Variants in CADPS2 observed in about 807,000 individuals in gnomAD.
The protein encoded by CADPS2 is calcium-dependent secretion activator 2.
In CADPS2, 93 loss-of-function variants were observed where a neutral mutation model predicts 172.5. That is an observed-to-expected ratio of 0.54 (90% CI 0.46 to 0.64). CADPS2 has a LOEUF of 0.64. Among genes scored for constraint, CADPS2 ranks in the 30% least tolerant of loss-of-function variants. The pLI, the probability that CADPS2 is intolerant of heterozygous loss-of-function variation, is 0.00. For missense variants in CADPS2, 1,420 were observed against 1,565.9 expected, an observed-to-expected ratio of 0.91 and a Z score of 1.57; for synonymous variants, 546 against 555.2, an observed-to-expected ratio of 0.98 and a Z score of 0.23.
intron 1 of CADPS2, among the ~76,000 whole-genome samples, chr7:122,795,027 C>G (rs1391747398): frequency 6.6e-6 from 1 of 151,834 alleles, no homozygotes; most frequent in Non-Finnish European, 1.5e-5. Flanking sequence ...ACAAAGATCT[C>G]AAGTTAATAA....
At chr7:122,479,797 GATCA>G (rs1269138875) in intron 12 of CADPS2, among the ~76,000 whole-genome samples, 6 of 152,040 alleles carry the variant, frequency 3.9e-5, no homozygotes, top group African/African-American at 1.4e-4. Flanking sequence ...TAATATATTA[GATCA>G]ATCATGAAAA....
At chr7:122,779,675 T>C (rs1589153588) in intron 1 of CADPS2, among the ~76,000 whole-genome samples, 1 of 152,126 alleles carries the variant, frequency 6.6e-6, no homozygotes, top group Non-Finnish European at 1.5e-5. Context: ...TAATAGTACT[T>C]CAACATCTTC....
chr7:122,586,905 TA>T (rs1045861865), intron 6 of CADPS2, among the ~76,000 whole-genome samples: 4 of 151,994 alleles, frequency 2.6e-5, no homozygotes, highest in African/African-American at 4.8e-5. Context: ...TGAGTGCTTT[TA>T]AAAATTATTT....
chr7:122,747,282 T>C (rs1425531847), intron 1 of CADPS2, among the ~76,000 whole-genome samples: 5 of 151,990 alleles, frequency 3.3e-5, no homozygotes, highest in Admixed American at 6.6e-5. Flanking sequence ...ACATGTGCTA[T>C]GGAAAAAAGG....
At chr7:122,407,359 G>A (rs961835735) in intron 20 of CADPS2, among the ~76,000 whole-genome samples, 181 bp downstream of exon 20, 1 of 152,174 alleles carries the variant, frequency 6.6e-6, no homozygotes, top group African/African-American at 2.4e-5. Flanking sequence ...ACTGGAGTGT[G>A]GGAGTCTCCC....
chr7:122,782,996 A>G (rs2139440433), intron 1 of CADPS2, among the ~76,000 whole-genome samples: 1 of 152,230 alleles, frequency 6.6e-6, no homozygotes, highest in Middle Eastern at 3.4e-3. Flanking sequence ...CACTAATGAC[A>G]AAACAATAAA....
intron 8 of CADPS2, among the ~76,000 whole-genome samples, chr7:122,518,401 AT>A (rs1321350580): frequency 6.6e-5 from 10 of 152,154 alleles, no homozygotes; most frequent in African/African-American, 2.4e-4. Context: ...AATGGCATTA[AT>A]TTAACAGATC....
intron 1 of CADPS2, among the ~76,000 whole-genome samples, chr7:122,741,771 A>T (rs2092488929): frequency 6.6e-6 from 1 of 152,208 alleles, no homozygotes; most frequent in African/African-American, 2.4e-5. Context: ...TGGAACAAGT[A>T]TAAAAATTGA....
At chr7:122,405,605 G>A (rs898521152) in intron 20 of CADPS2, among the ~76,000 whole-genome samples, 1 of 152,010 alleles carries the variant, frequency 6.6e-6, no homozygotes, top group Admixed American at 6.5e-5. Flanking sequence ...CACTGGAAGT[G>A]CCACTGGGAG....
chr7:122,534,533 A>G (rs1273493828), intron 8 of CADPS2, among the ~76,000 whole-genome samples: 1 of 152,102 alleles, frequency 6.6e-6, no homozygotes, highest in Non-Finnish European at 1.5e-5. Flanking sequence ...TTACAAACTG[A>G]TACAATTCTG....
Position 122,471,359 on chromosome 7 carries a change from T to A in CADPS2, c.2186+16A>T, listed in dbSNP as rs143770923. The stretch of plus-strand genomic sequence containing the variant: ...CAACCCCATACATTTCACTTTGTAT[T>A]TGCAAGTAAAAATACCTGTTGCCGT... On this transcript the variant is annotated intron_variant, in intron 14 of 29. Coordinates refer to ENST00000449022, the MANE Select transcript of CADPS2 (RefSeq NM_017954.11). 1.9e-6 allele frequency: 3 copies of A among 1,598,750 alleles called. No homozygotes were observed. The highest frequency in any genetic ancestry group is 2.6e-6 in the Non-Finnish European group (3 of 1,171,786).
intron 9 of CADPS2, among the ~76,000 whole-genome samples, chr7:122,492,516 G>A (rs571657018): frequency 6.6e-6 from 1 of 152,150 alleles, no homozygotes; most frequent in Admixed American, 6.5e-5. Flanking sequence ...TGGGTCAAGA[G>A]CTCATGTATG....
At chr7:122,581,583 ATTAC>A (rs1312644658) in intron 6 of CADPS2, among the ~76,000 whole-genome samples, 6 of 152,134 alleles carry the variant, frequency 3.9e-5, no homozygotes, top group African/African-American at 1.4e-4. Context: ...ATTGAAATCT[ATTAC>A]TTTATTAATT....
chr7:122,774,265 G>GAT (rs1001149776), intron 1 of CADPS2, among the ~76,000 whole-genome samples: 11 of 120,244 alleles, frequency 9.1e-5, no homozygotes, highest in Non-Finnish European at 1.5e-4. Flanking sequence ...GACATAGATA[G>GAT]ATATACACAC....
At chr7:122,413,893 A>T (rs1465948710) in intron 19 of CADPS2, among the ~76,000 whole-genome samples, 175 bp downstream of exon 19, 1 of 152,210 alleles carries the variant, frequency 6.6e-6, no homozygotes, top group African/African-American at 2.4e-5. Context: ...AATAATATAC[A>T]TACACAAAAC....
intron 17 of CADPS2, among the ~76,000 whole-genome samples, chr7:122,432,786 TCAAGAGACTA>T (rs905338505): frequency 3.3e-5 from 5 of 151,962 alleles, no homozygotes; most frequent in Admixed American, 1.3e-4. Flanking sequence ...ATTGGAATGC[TCAAGAGACTA>T]CAAGAGACTA....
At chr7:122,710,083 A>C (rs1390907524) in intron 2 of CADPS2, among the ~76,000 whole-genome samples, 36 of 17,290 alleles carry the variant, frequency 2.1e-3, no homozygotes, top group Non-Finnish European at 1.5e-3. Flanking sequence ...CTGCCAACCC[A>C]AAAAAAAAAA....
At chr7:122,605,783 A>G (rs2073442285) in intron 6 of CADPS2, among the ~76,000 whole-genome samples, 1 of 152,160 alleles carries the variant, frequency 6.6e-6, no homozygotes, top group Non-Finnish European at 1.5e-5. Flanking sequence ...ATAATAAATA[A>G]ATACATTTAT....
chr7:122,644,124 G>T (rs1473662080), intron 3 of CADPS2, among the ~76,000 whole-genome samples: 1 of 151,376 alleles, frequency 6.6e-6, no homozygotes, highest in Admixed American at 6.6e-5. Flanking sequence ...AGGAACAAAC[G>T]AAGGAAAAGA....
Sources: gnomAD v4.1 joint callset for allele counts (sites outside exome capture counted in the v4.1 genomes callset) on GRCh38, gnomAD v4.1.1 for gene constraint, MANE v1.5 for transcripts, NCBI Gene and HGNC (gene_info 2026-07-23, HGNC 2026-07-21) for gene names.